The following PPARD variants were observed in gnomAD, a reference collection of about 807,000 sequenced individuals.
The protein encoded by PPARD is peroxisome proliferator-activated receptor delta.
In PPARD, 6 loss-of-function variants were observed where a neutral mutation model predicts 39.5. The ratio of observed to expected loss-of-function variants is 0.15; its 90% CI spans 0.08 to 0.30. The LOEUF is 0.30. Among genes scored for constraint, PPARD ranks in the 10% least tolerant of loss-of-function variants. The pLI, the probability that PPARD is intolerant of heterozygous loss-of-function variation, is 1.00. For missense variants in PPARD, 397 were observed against 596.8 expected, an observed-to-expected ratio of 0.67 and a Z score of 3.49; for synonymous variants, 210 against 231.3, an observed-to-expected ratio of 0.91 and a Z score of 0.83.
intron 2 of PPARD, among the ~76,000 whole-genome samples, chr6:35,364,600 A>ATT (rs543278087): frequency 2.0e-5 from 3 of 146,674 alleles, no homozygotes; most frequent in African/African-American, 7.5e-5. Context: ...CGCCTGGCTA[A>ATT]TTTTTTTTTT....
intron 4 of PPARD, among the ~76,000 whole-genome samples, chr6:35,421,430 C>T (rs1013851563): frequency 1.3e-5 from 2 of 152,128 alleles, no homozygotes; most frequent in East Asian, 1.9e-4. Flanking sequence ...CTCCACCTCC[C>T]GGGTTCAAGC....
In PPARD at chr6:35,415,778, C is replaced by CTGTGTGTGTG. The variant is rs369825175; in HGVS notation, c.131-4333_131-4324dup. On this transcript the variant is annotated intron_variant, in intron 3 of 7. Transcript: ENST00000360694. ...TCAGGGTTCTCCAGAGAAGGAGAAC[C>CTGTGTGTGTG]TGTGTGTGTGTGTGTGTGTGTGTGT... 1.3e-4 allele frequency among the ~76,000 whole-genome samples: 18 copies of CTGTGTGTGTG among 143,772 alleles called. 2 individuals are homozygous for CTGTGTGTGTG. The highest frequency in any genetic ancestry group is 5.0e-4 in the African/African-American group (18 of 35,902). The allele number at this position is 143,772 out of a possible 152,430, so 94.3% of individuals were successfully genotyped here.
At chr6:35,345,835 C>A (rs1792138422) in intron 1 of PPARD, among the ~76,000 whole-genome samples, 1 of 151,254 alleles carries the variant, frequency 6.6e-6, no homozygotes, top group Admixed American at 6.6e-5. Flanking sequence ...GATAGTGCAG[C>A]TCCTCTCTCT....
intron 2 of PPARD, among the ~76,000 whole-genome samples, chr6:35,391,511 A>G (rs973140018): frequency 9.9e-5 from 15 of 152,254 alleles, no homozygotes; most frequent in Non-Finnish European, 1.5e-4. Context: ...AGTTGGCCCT[A>G]GTAAAAGTGA....
rs889016449 is a variant in PPARD at position 35,401,217 on chromosome 6, G to T, written c.-101-9770G>T. On this transcript the variant is annotated intron_variant, in intron 2 of 7. Coordinates refer to ENST00000360694, the MANE Select transcript of PPARD (RefSeq NM_006238.5). The surrounding 1 kb of genome is among the most constrained non-coding windows in gnomAD (Gnocchi z 4.1). ...CAGGGCCCCATCCCTCAACTCCTCA[G>T]CCTGAGTCTTCCCAGGAACACAACA... Among the ~76,000 whole-genome samples, 3 of 152,270 alleles carry T rather than the reference G, an allele frequency of 2.0e-5. No homozygotes were observed. The highest frequency in any genetic ancestry group is 6.8e-3 in the Middle Eastern group (2 of 294).
intron 2 of PPARD, among the ~76,000 whole-genome samples, chr6:35,377,126 C>A (rs1039793211): frequency 2.0e-5 from 3 of 152,114 alleles, no homozygotes; most frequent in Non-Finnish European, 4.4e-5. Context: ...CCCTTTGAGG[C>A]TCTCTTCTTG....
chr6:35,410,956 C>A, intron 2 of PPARD, 31 bp from the exon 3 acceptor site: 1 of 1,262,876 alleles, frequency 7.9e-7, no homozygotes, highest in Non-Finnish European at 1.0e-6. Flanking sequence ...ACTGCCTCCC[C>A]TGACCTCTTC....
chr6:35,389,789 G>A (rs1763905185), intron 2 of PPARD, among the ~76,000 whole-genome samples: 1 of 152,180 alleles, frequency 6.6e-6, no homozygotes, highest in Non-Finnish European at 1.5e-5. Context: ...TAGCAAGAAA[G>A]TGTGCAAAGA....
At chr6:35,394,038 A>G (rs978050391) in intron 2 of PPARD, among the ~76,000 whole-genome samples, 7 of 152,240 alleles carry the variant, frequency 4.6e-5, no homozygotes, top group African/African-American at 1.7e-4. Context: ...ATTACAAAAG[A>G]TGTTGATGCT....
intron 2 of PPARD, among the ~76,000 whole-genome samples, chr6:35,367,913 A>G (rs1762290436): frequency 6.6e-6 from 1 of 152,206 alleles, no homozygotes. Context: ...TGGGAACTAG[A>G]CGCCACCTCT....
Position 35,409,099 on chromosome 6 carries a change from G to A in PPARD, c.-101-1888G>A, listed in dbSNP as rs372705502. Among the ~76,000 whole-genome samples, 83 of 152,038 alleles carry A rather than the reference G, an allele frequency of 5.5e-4. 1 individual carries two copies. Among genetic ancestry groups the A allele is most frequent in the African/African-American group, 1.9e-3 (77 of 41,482 alleles). On this transcript the variant is annotated intron_variant, in intron 2 of 7. Transcript: ENST00000360694. ...TCTAATGATTTGGAAATCATACATC[G>A]GCATCTTGAGACATCTTTTGAGAAG...
intron 2 of PPARD, among the ~76,000 whole-genome samples, chr6:35,370,707 C>G (rs1762439997): frequency 1.3e-5 from 2 of 152,232 alleles, no homozygotes; most frequent in Admixed American, 6.5e-5. Context: ...TCCCAGGTCA[C>G]AGCAGCAGCC....
In PPARD at chr6:35,420,291, G is replaced by A. The variant is rs199590931; in HGVS notation, c.285+10G>A. The A allele has an allele frequency of 5.2e-6, 8 of 1,531,164 alleles. No homozygotes were observed. Among genetic ancestry groups the A allele is most frequent in the Middle Eastern group, 1.8e-4 (1 of 5,686 alleles). The allele number at this position is 1,531,164 out of a possible 1,614,324, so 94.8% of individuals were successfully genotyped here. ...ATGTGAGGGGTGCAAGGTACGGACT[G>A]GGGGGAGCGGTGGCTGGCCACTGAG... On this transcript the variant is annotated intron_variant, in intron 4 of 7. Coordinates refer to ENST00000360694, the MANE Select transcript of PPARD (RefSeq NM_006238.5).
intron 2 of PPARD, among the ~76,000 whole-genome samples, chr6:35,359,003 C>T (rs1257298797): frequency 6.6e-6 from 1 of 152,116 alleles, no homozygotes; most frequent in Non-Finnish European, 1.5e-5. Context: ...GGCAGTTCCA[C>T]ATAGAGGGCC....
intron 2 of PPARD, among the ~76,000 whole-genome samples, chr6:35,396,629 G>C (rs542277271): frequency 1.3e-5 from 2 of 150,580 alleles, no homozygotes; most frequent in East Asian, 4.0e-4. Flanking sequence ...AGGAGACAGA[G>C]ACCATCCTGG....
Position 35,423,981 on chromosome 6 carries a change from A to G in PPARD, c.460A>G (p.Arg154Gly). The G allele has an allele frequency of 6.2e-7, 1 of 1,614,176 alleles. No homozygotes were observed. The highest frequency in any genetic ancestry group is 8.5e-7 in the Non-Finnish European group (1 of 1,180,026). The change falls in exon 6 of 8, where the codon AGG becomes GGG. Residue 154 changes from arginine (R) to glycine (G), a missense_variant. By Grantham distance (125) the Arg-to-Gly change is moderately radical. Transcript: ENST00000360694. ...TGGTCGGATGCCGGAGGCTGAGAAG[A>G]GGAAGCTGGTGGCAGGGCTGACTGC... Reference protein sequence around the residue: ...RFGRMPEAEKRKLVAGLTANE... With the variant: ...RFGRMPEAEKGKLVAGLTANE...
intron 2 of PPARD, among the ~76,000 whole-genome samples, chr6:35,381,328 G>A (rs1441368698): frequency 1.3e-5 from 2 of 152,208 alleles, no homozygotes; most frequent in Non-Finnish European, 2.9e-5. Context: ...CTGTAGGTCA[G>A]CGATGAGTAA....
At chr6:35,421,640 TA>T (rs1450419094) in intron 4 of PPARD, among the ~76,000 whole-genome samples, 179 bp from the exon 5 acceptor site, 6 of 152,232 alleles carry the variant, frequency 3.9e-5, no homozygotes, top group African/African-American at 1.2e-4. Flanking sequence ...GTGCCTGAAC[TA>T]AAATAGTTTT....
Position 35,359,655 on chromosome 6 carries a change from G to A in PPARD, c.-102+12505G>A, listed in dbSNP as rs193017635. ...CCACAGCTGACTTCTATCCCCACCTGTGTCTAATCCCCTTTCCATGGCTGA... is the reference window on the plus strand; with the variant it reads ...CCACAGCTGACTTCTATCCCCACCTATGTCTAATCCCCTTTCCATGGCTGA... On this transcript the variant is annotated intron_variant, in intron 2 of 7. Transcript: ENST00000360694. Among the ~76,000 whole-genome samples the A allele has an allele frequency of 1.6e-3, 249 of 152,216 alleles. 1 individual carries two copies. Among genetic ancestry groups the A allele is most frequent in the African/African-American group, 3.6e-3 (148 of 41,510 alleles).
Sources: allele counts gnomAD v4.1 joint callset (sites outside exome capture counted in the v4.1 genomes callset), GRCh38; gene constraint gnomAD v4.1.1; non-coding constraint Gnocchi (gnomAD v3.1); transcripts MANE v1.5; gene names NCBI Gene and HGNC (gene_info 2026-07-23, HGNC 2026-07-21).